The following P2RY8 variants were observed in gnomAD, a reference collection of about 807,000 sequenced individuals.
P2RY8 encodes P2Y receptor family member 8, also known as S-geranylgeranyl-glutathione receptor P2RY8.
Under a neutral mutation model 10.0 loss-of-function variants are expected in P2RY8, and 6 were observed. The ratio of observed to expected loss-of-function variants is 0.60; its 90% CI spans 0.33 to 1.19. P2RY8 has a LOEUF of 1.19. Ranked by LOEUF, P2RY8 falls within the 50% of genes most tolerant of loss-of-function variation. The pLI is 0.04. For missense variants in P2RY8, 456 were observed against 542.0 expected, an observed-to-expected ratio of 0.84 and a Z score of 1.58; for synonymous variants, 276 against 252.5, an observed-to-expected ratio of 1.09 and a Z score of -0.88.
rs1189405896 is a variant in P2RY8, at chrX:1,497,711, T to G, written c.-24-31129A>C. Among the ~76,000 whole-genome samples, 5 of 151,942 alleles carry G rather than the reference T, an allele frequency of 3.3e-5. No individual in the cohort carries two copies. In the East Asian group the frequency reaches 9.6e-4, roughly 29 times the overall value. ...ACAAGCAAATATGGCCTTTTCTGTT[T>G]GTTATTACGCCTGGCATCTCCAAGA... On this transcript the variant is annotated intron_variant, in intron 1 of 1. Transcript: ENST00000381297.
chrX:1,466,402 C>T lies in P2RY8; in HGVS notation c.157G>A (p.Gly53Arg). The T allele has an allele frequency of 2.5e-6, 4 of 1,613,508 alleles. No homozygotes were observed. Among genetic ancestry groups the T allele is most frequent in the Non-Finnish European group, 3.4e-6 (4 of 1,179,862 alleles). The part of the protein sequence containing the change: ...FSLWVLCRRM[G>R]PRSPSVIFMI... ...AAGATGACCGACGGGGATCTGGGCC[C>T]CATGCGCCGGCACAGCACCCACAGA... Residue 53 changes from glycine (G) to arginine (R), a missense_variant, in exon 2 of 2, where the codon GGG becomes AGG. By Grantham distance (125) the Gly-to-Arg change is moderately radical (BLOSUM62 -2). Coordinates refer to ENST00000381297, the MANE Select transcript of P2RY8 (RefSeq NM_178129.5).
At chrX:1,493,424 G>T (rs868049627) in intron 1 of P2RY8, among the ~76,000 whole-genome samples, 1 of 19,626 alleles carries the variant, frequency 5.1e-5, no homozygotes. Context: ...GAAGGAGGAA[G>T]GAGGAGGGAG....
intron 1 of P2RY8, among the ~76,000 whole-genome samples, chrX:1,492,289 G>A (rs2092061036): frequency 6.6e-6 from 1 of 152,152 alleles, no homozygotes; most frequent in Admixed American, 6.6e-5. Flanking sequence ...CCCTCACCCT[G>A]TTCATAAAAA....
intron 1 of P2RY8, among the ~76,000 whole-genome samples, chrX:1,469,513 C>T (rs1390099088): frequency 1.3e-5 from 2 of 152,066 alleles, no homozygotes; most frequent in African/African-American, 4.8e-5. Flanking sequence ...GCACACCTGT[C>T]TGGCAGCAAT....
At chrX:1,525,365 G>A (rs1437728820) in intron 1 of P2RY8, among the ~76,000 whole-genome samples, 1 of 152,116 alleles carries the variant, frequency 6.6e-6, no homozygotes, top group Non-Finnish European at 1.5e-5. Flanking sequence ...CTATGGGACT[G>A]GGGTCCTTCT....
In P2RY8 at chrX:1,465,413, G is replaced by T; in HGVS notation, c.*66C>A. The T allele has an allele frequency of 6.5e-7, 1 of 1,529,620 alleles. No homozygotes were observed. The highest frequency in any genetic ancestry group is 8.7e-7 in the Non-Finnish European group (1 of 1,145,840). The allele number at this position is 1,529,620 out of a possible 1,614,324, so 94.8% of individuals were successfully genotyped here. ...GTTCTCCCTGAACCTCTGGCACCGT[G>T]GCCTCTCCATGCGCCCCTGGATCTC... On this transcript the variant is annotated 3_prime_UTR_variant, in exon 2 of 2. Coordinates refer to ENST00000381297, the MANE Select transcript of P2RY8 (RefSeq NM_178129.5).
intron 1 of P2RY8, among the ~76,000 whole-genome samples, chrX:1,482,990 G>A (rs1317528506): frequency 6.6e-6 from 1 of 152,010 alleles, no homozygotes; most frequent in African/African-American, 2.4e-5. Context: ...TATACCTAAT[G>A]CTAAATGACG....
chrX:1,466,500 G>A lies in P2RY8; in HGVS notation c.59C>T (p.Pro20Leu). 6.2e-7 allele frequency: 1 copy of A among 1,611,046 alleles called. No homozygotes were observed. The highest frequency in any genetic ancestry group is 8.5e-7 in the Non-Finnish European group (1 of 1,179,700). Residue 20 changes from proline to leucine, a missense_variant, in exon 2 of 2, where the codon CCG (proline) becomes CTG (leucine). By Grantham distance (98) the Pro-to-Leu change is moderately conservative (BLOSUM62 -3). Coordinates refer to ENST00000381297, the MANE Select transcript of P2RY8 (RefSeq NM_178129.5). ...DNATLQMLRNPAIAVALPVVY... is the reference protein window; with the variant it reads ...DNATLQMLRNLAIAVALPVVY... Reference sequence around the variant, plus strand: ...CACGGGCAGGGCCACCGCGATCGCCGGGTTCCGCAGCATCTGCAGCGTCGC... The same window carrying A: ...CACGGGCAGGGCCACCGCGATCGCCAGGTTCCGCAGCATCTGCAGCGTCGC...
chrX:1,493,151 T>G (rs543901998), intron 1 of P2RY8, among the ~76,000 whole-genome samples: 9,824 of 149,106 alleles, frequency 0.066, 679 homozygotes, highest in African/African-American at 0.17. Flanking sequence ...AGCCGGGCGT[T>G]GGGGTGGGCG....
At chrX:1,517,866 T>A (rs2092362017) in intron 1 of P2RY8, among the ~76,000 whole-genome samples, 1 of 152,082 alleles carries the variant, frequency 6.6e-6, no homozygotes, top group Non-Finnish European at 1.5e-5. Context: ...TCCAGCGCTT[T>A]AAGAGGCTGA....
At chrX:1,469,823 C>T (rs1416169049) in intron 1 of P2RY8, among the ~76,000 whole-genome samples, 1 of 151,926 alleles carries the variant, frequency 6.6e-6, no homozygotes, top group African/African-American at 2.4e-5. Context: ...GGCCTGAACC[C>T]GGGAGGCGGA....
chrX:1,497,354 C>G (rs2092127459), intron 1 of P2RY8, among the ~76,000 whole-genome samples: 1 of 147,090 alleles, frequency 6.8e-6, no homozygotes. Context: ...AGGTCTCACT[C>G]TGTGGCCCAA....
intron 1 of P2RY8, among the ~76,000 whole-genome samples, chrX:1,502,962 A>G (rs1455524454): frequency 6.6e-6 from 1 of 152,132 alleles, no homozygotes; most frequent in African/African-American, 2.4e-5. Flanking sequence ...TCCATATCCT[A>G]GAGCCCAGAA....
At chrX:1,493,059 G>A (rs868607946) in intron 1 of P2RY8, among the ~76,000 whole-genome samples, 8 of 151,308 alleles carry the variant, frequency 5.3e-5, no homozygotes, top group South Asian at 2.1e-4. Context: ...AGGCCGAAGC[G>A]GGTGGATCAT....
At chrX:1,525,494 G>T (rs2092433933) in intron 1 of P2RY8, among the ~76,000 whole-genome samples, 1 of 152,130 alleles carries the variant, frequency 6.6e-6, no homozygotes, top group Admixed American at 6.5e-5. Flanking sequence ...AGGATCAGAA[G>T]CTGGAGAGAC....
At chrX:1,484,496 G>A (rs1435246857) in intron 1 of P2RY8, among the ~76,000 whole-genome samples, 2 of 151,872 alleles carry the variant, frequency 1.3e-5, no homozygotes, top group East Asian at 1.9e-4. Flanking sequence ...GGAGGCTGAG[G>A]CGGGCGGATC....
At chrX:1,524,890 T>TATCCATCCATCC (rs567762716) in intron 1 of P2RY8, among the ~76,000 whole-genome samples, 2,670 of 110,696 alleles carry the variant, frequency 0.024, 134 homozygotes, top group African/African-American at 0.076. Flanking sequence ...TCCATCCATC[T>TATCCATCCATCC]ATCCATCCAT....
At chrX:1,527,584 A>G (rs1472261853) in intron 1 of P2RY8, among the ~76,000 whole-genome samples, 2 of 151,880 alleles carry the variant, frequency 1.3e-5, no homozygotes, top group African/African-American at 2.4e-5. Context: ...TCATCCACCT[A>G]TCTATCCATC....
At chrX:1,472,549 G>A (rs746504673) in intron 1 of P2RY8, among the ~76,000 whole-genome samples, 1 of 142,410 alleles carries the variant, frequency 7.0e-6, no homozygotes, top group South Asian at 2.4e-4. Flanking sequence ...AATGGTAGGT[G>A]GGTTTGTGAA....
Sources: allele counts gnomAD v4.1 joint callset (sites outside exome capture counted in the v4.1 genomes callset), GRCh38; gene constraint gnomAD v4.1.1; transcripts MANE v1.5; gene names NCBI Gene and HGNC (gene_info 2026-07-23, HGNC 2026-07-21).